AXIN1: variants seen among roughly 807,000 people sequenced by gnomAD.
AXIN1 encodes axin-1.
In AXIN1, 30 loss-of-function variants were observed where a neutral mutation model predicts 76.4. The ratio of observed to expected loss-of-function variants is 0.39; its 90% CI spans 0.29 to 0.53. The LOEUF (loss-of-function observed/expected upper bound fraction) is 0.53. Among genes scored for constraint, AXIN1 ranks in the 20% least tolerant of loss-of-function variants. The pLI, the probability that AXIN1 is intolerant of heterozygous loss-of-function variation, is 0.66. For missense variants in AXIN1, 1,140 were observed against 1,198.8 expected (o/e 0.95, Z 0.72); for synonymous variants, 545 against 501.4 (o/e 1.09, Z -1.16).
chr16:332,650 T>C (rs1272211836), intron 2 of AXIN1, among the ~76,000 whole-genome samples: 2 of 138,188 alleles, frequency 1.4e-5, no homozygotes, highest in African/African-American at 2.8e-5. Context: ...ATCTAAACAA[T>C]GTTGATCTAA....
Position 287,826 on chromosome 16 carries a change from A to AC in AXIN1, c.*295_*296insG, listed in dbSNP as rs2052423766. ...ACGTGCCCAAGGGAGGTGCCGGGGG[A>AC]TGGGGGGGGGTCACCTGAAGCTGGC... On this transcript the variant is annotated 3_prime_UTR_variant, in exon 11 of 11. Transcript: ENST00000262320. 4.0e-6 allele frequency: 2 copies of AC among 506,290 alleles called. No homozygotes were observed. The highest frequency in any genetic ancestry group is 3.4e-5 in the East Asian group (1 of 29,504). The allele number at this position is 506,290 out of a possible 1,614,324, so 31.4% of individuals were successfully genotyped here. A position where few individuals can be genotyped will look rare whatever the true frequency, so the allele number is the denominator to read the frequency against.
chr16:316,703 C>G (rs1489693813), intron 2 of AXIN1, among the ~76,000 whole-genome samples: 1 of 152,100 alleles, frequency 6.6e-6, no homozygotes, highest in Admixed American at 6.5e-5. Flanking sequence ...TGCACCCTGA[C>G]AGTCGTCAGC....
At chr16:332,595 A>G (rs982600295) in intron 2 of AXIN1, among the ~76,000 whole-genome samples, 4 of 151,772 alleles carry the variant, frequency 2.6e-5, no homozygotes, top group Admixed American at 2.6e-4. Context: ...AAGAAAACAA[A>G]AAAAAAATTA....
intron 2 of AXIN1, among the ~76,000 whole-genome samples, chr16:333,728 C>T (rs1431520892): frequency 6.6e-6 from 1 of 151,904 alleles, no homozygotes; most frequent in East Asian, 1.9e-4. Context: ...ATTCTAAACC[C>T]AACTCATCTC....
intron 2 of AXIN1, among the ~76,000 whole-genome samples, chr16:316,320 G>C (rs965971293): frequency 6.6e-6 from 1 of 152,178 alleles, no homozygotes; most frequent in East Asian, 1.9e-4. Context: ...TGGAGATACA[G>C]CTGTTAGCAT....
chr16:313,826 A>T (rs984844857), intron 3 of AXIN1, among the ~76,000 whole-genome samples: 3 of 152,186 alleles, frequency 2.0e-5, no homozygotes, highest in Non-Finnish European at 4.4e-5. Context: ...TAAAACAAGC[A>T]CGTTCCTACA....
chr16:314,507 G>C (rs2141591924), intron 3 of AXIN1, 36 bp downstream of exon 3: 1 of 1,612,368 alleles, frequency 6.2e-7, no homozygotes, highest in South Asian at 1.1e-5. Flanking sequence ...ACACACTGCT[G>C]TCCGTGAGGG....
chr16:314,890 G>A (rs1209700273), intron 2 of AXIN1, among the ~76,000 whole-genome samples: 1 of 152,174 alleles, frequency 6.6e-6, no homozygotes, highest in African/African-American at 2.4e-5. Context: ...TAAAGCACCG[G>A]GCATCTTTCC....
In AXIN1 at chr16:291,260, C is replaced by A; in HGVS notation, c.2224G>T (p.Val742Phe). The stretch of plus-strand genomic sequence containing the variant: ...AGCACCGGCGCGCACGCTGGCCTGA[C>A]GCAGGCGCGTCCCCGCCGCATAACC... ...QEVMRRGRAC[V>F]RPACAPVLHV... The change falls in exon 9 of 11, where the codon GTC becomes TTC. Residue 742 changes from valine (V) to phenylalanine (F), a missense_variant. Physicochemically the swap from Val to Phe is conservative, Grantham distance 50. This residue lies in a region of AXIN1 where 429 missense variants were observed against 405.8 expected (regional missense o/e 1.06). Transcript: ENST00000262320. 1 of 1,583,866 alleles carries A rather than the reference C, an allele frequency of 6.3e-7. No homozygotes were observed. The highest frequency in any genetic ancestry group is 8.6e-7 in the Non-Finnish European group (1 of 1,165,848).
chr16:326,690 G>A (rs1331600893), intron 2 of AXIN1, among the ~76,000 whole-genome samples: 3 of 150,302 alleles, frequency 2.0e-5, no homozygotes, highest in Non-Finnish European at 4.4e-5. Flanking sequence ...AGGTTGCAGT[G>A]AGCGAGATCG....
At chr16:302,787 T>C (rs1279746843) in intron 5 of AXIN1, among the ~76,000 whole-genome samples, 1 of 152,200 alleles carries the variant, frequency 6.6e-6, no homozygotes, top group Non-Finnish European at 1.5e-5. Context: ...TAAGTATTCA[T>C]ATTCACGAAC....
chr16:345,761 C>T (rs2054021204), intron 2 of AXIN1, among the ~76,000 whole-genome samples: 1 of 151,868 alleles, frequency 6.6e-6, no homozygotes, highest in African/African-American at 2.4e-5. Context: ...CTTATCGATG[C>T]CCTGAAACGT....
intron 8 of AXIN1, 156 bp from the exon 9 acceptor site, chr16:291,453 C>CCT: frequency 1.4e-6 from 1 of 690,750 alleles, no homozygotes; most frequent in Non-Finnish European, 2.6e-6. Context: ...GACAAGACAC[C>CCT]GAGTCCCCTC....
intron 2 of AXIN1, among the ~76,000 whole-genome samples, chr16:340,451 C>A (rs2053894248): frequency 6.6e-6 from 1 of 152,262 alleles, no homozygotes; most frequent in African/African-American, 2.4e-5. Flanking sequence ...CCAAGCGGAC[C>A]TGGCAGGGGC....
chr16:296,806 C>T (rs1168949818), intron 7 of AXIN1, among the ~76,000 whole-genome samples: 1 of 152,142 alleles, frequency 6.6e-6, no homozygotes, highest in African/African-American at 2.4e-5. Context: ...GTGACAGCCA[C>T]GTCAGCTTCC....
intron 2 of AXIN1, among the ~76,000 whole-genome samples, chr16:330,062 G>C (rs1007245735): frequency 2.3e-5 from 3 of 132,360 alleles, no homozygotes; most frequent in Admixed American, 7.6e-5. Context: ...CACTGTGCCC[G>C]GCCCTTTTTT....
Position 310,034 on chromosome 16 carries a change from T to C in AXIN1, c.1055A>G (p.His352Arg). The C allele has an allele frequency of 1.9e-6, 3 of 1,613,232 alleles. No individual in the cohort carries two copies. The highest frequency in any genetic ancestry group is 1.1e-5 in the South Asian group (1 of 91,016). Residue 352 changes from histidine to arginine, a missense_variant, in exon 4 of 11, where the codon CAC (histidine) becomes CGC (arginine). His to Arg is a conservative substitution (Grantham distance 29). Coordinates refer to ENST00000262320, the MANE Select transcript of AXIN1 (RefSeq NM_003502.4). The stretch of plus-strand genomic sequence containing the variant: ...CACGCTCTCCTGCATCTCCCTGCGG[T>C]GCTGCTTACGGATCCTGTATGGGGG... The part of the protein sequence containing the change: ...GIPPYRIRKQ[H>R]RREMQESVQV...
chr16:289,717 A>G (rs1596964957), intron 9 of AXIN1, 110 bp from the exon 10 acceptor site: 1 of 1,384,404 alleles, frequency 7.2e-7, no homozygotes, highest in Non-Finnish European at 1.0e-6. Context: ...TGCAGGGGTG[A>G]GCAGCACCCC....
At chr16:331,952 C>T (rs935125877) in intron 2 of AXIN1, among the ~76,000 whole-genome samples, 2 of 152,272 alleles carry the variant, frequency 1.3e-5, no homozygotes, top group East Asian at 1.9e-4. Context: ...CCAGAGACCA[C>T]GGTGACTAAG....
Sources: allele counts gnomAD v4.1 joint callset (sites outside exome capture counted in the v4.1 genomes callset), GRCh38; gene constraint gnomAD v4.1.1; regional missense constraint gnomAD v4.1.1; transcripts MANE v1.5; gene names NCBI Gene and HGNC (gene_info 2026-07-23, HGNC 2026-07-21).